FAR2: variants seen among roughly 807,000 people sequenced by gnomAD.
The protein encoded by FAR2 is fatty acyl-CoA reductase 2.
Under a neutral mutation model 56.0 loss-of-function variants are expected in FAR2, and 19 were observed. The observed-to-expected ratio is 0.34, with a 90% CI of 0.24 to 0.50. The LOEUF (loss-of-function observed/expected upper bound fraction) is 0.50. Ranked by LOEUF, FAR2 falls within the 20% of genes least tolerant of loss-of-function variation. The pLI, the probability that FAR2 is intolerant of heterozygous loss-of-function variation, is 0.98. For synonymous variants in FAR2, 219 were observed against 218.8 expected, an observed-to-expected ratio of 1.00 and a Z score of -0.01; for missense variants, 508 against 642.2, an observed-to-expected ratio of 0.79 and a Z score of 2.26.
At chr12:29,185,969 A>C (rs1010074366) in intron 1 of FAR2, among the ~76,000 whole-genome samples, 6 of 152,188 alleles carry the variant, frequency 3.9e-5, no homozygotes, top group Non-Finnish European at 7.3e-5. Flanking sequence ...GCTTAGCATT[A>C]GTCTATATTT....
chr12:29,173,522 C>T (rs1309635109), intron 1 of FAR2, among the ~76,000 whole-genome samples: 1 of 152,120 alleles, frequency 6.6e-6, no homozygotes, highest in African/African-American at 2.4e-5. Context: ...GATCAAGCTG[C>T]AGGATAGTAT....
chr12:29,179,982 C>T (rs1459724298), intron 1 of FAR2, among the ~76,000 whole-genome samples: 9 of 152,200 alleles, frequency 5.9e-5, no homozygotes, highest in Non-Finnish European at 8.8e-5. Flanking sequence ...ATGGATATTA[C>T]AGACTTGGGT....
intron 1 of FAR2, among the ~76,000 whole-genome samples, chr12:29,176,175 T>C (rs1949936625): frequency 6.6e-6 from 1 of 152,222 alleles, no homozygotes; most frequent in Non-Finnish European, 1.5e-5. Flanking sequence ...ATTCCTCATA[T>C]GAAAGTTTTG....
intron 1 of FAR2, among the ~76,000 whole-genome samples, chr12:29,245,856 C>G (rs955458646): frequency 4.6e-5 from 7 of 152,094 alleles, no homozygotes; most frequent in African/African-American, 1.7e-4. Flanking sequence ...CTTGCTTTCC[C>G]AACATCACTA....
At chr12:29,323,826 A>C (rs1485423578) in intron 10 of FAR2, among the ~76,000 whole-genome samples, 1 of 152,224 alleles carries the variant, frequency 6.6e-6, no homozygotes, top group Non-Finnish European at 1.5e-5. Context: ...CGGAAACGCT[A>C]AAAATCAGAG....
intron 1 of FAR2, among the ~76,000 whole-genome samples, chr12:29,174,395 G>A (rs1949916080): frequency 7.3e-6 from 1 of 136,738 alleles, no homozygotes; most frequent in Admixed American, 7.4e-5. Context: ...AACTGGAAAA[G>A]CACCAGAGAC....
chr12:29,161,657 T>C (rs1264514054), intron 1 of FAR2, among the ~76,000 whole-genome samples: 1 of 152,242 alleles, frequency 6.6e-6, no homozygotes, highest in East Asian at 1.9e-4. Context: ...TGGGGTATAC[T>C]TAGGTGTGAA....
At chr12:29,226,055 C>T (rs111901152) in intron 1 of FAR2, among the ~76,000 whole-genome samples, 5 of 152,298 alleles carry the variant, frequency 3.3e-5, no homozygotes, top group African/African-American at 7.2e-5. Flanking sequence ...GCTCTCTGCC[C>T]TGAGCATTTT....
intron 2 of FAR2, among the ~76,000 whole-genome samples, chr12:29,288,695 T>C (rs1190065544): frequency 6.6e-6 from 1 of 152,160 alleles, no homozygotes; most frequent in African/African-American, 2.4e-5. Flanking sequence ...TATAGAGGAC[T>C]CAGGAAACAC....
chr12:29,224,041 C>G (rs1211978305), intron 1 of FAR2: 1 of 152,156 alleles, frequency 6.6e-6, no homozygotes, highest in Non-Finnish European at 1.5e-5. Flanking sequence ...ATCAGCAGAA[C>G]TCATTTATCC....
At chr12:29,215,804 AATGGAATGAAT>A (rs1200071027) in intron 1 of FAR2, among the ~76,000 whole-genome samples, 1 of 152,078 alleles carries the variant, frequency 6.6e-6, no homozygotes, top group Non-Finnish European at 1.5e-5. Flanking sequence ...ATAGTCATTA[AATGGAATGAAT>A]ATGTGATATG....
intron 1 of FAR2, among the ~76,000 whole-genome samples, chr12:29,257,282 T>C (rs892145715): frequency 6.6e-6 from 1 of 152,114 alleles, no homozygotes; most frequent in African/African-American, 2.4e-5. Flanking sequence ...TGGTGGGGCC[T>C]TGGAGAACCT....
At chr12:29,259,325 A>G (rs944395711) in intron 1 of FAR2, among the ~76,000 whole-genome samples, 3 of 152,188 alleles carry the variant, frequency 2.0e-5, no homozygotes, top group Non-Finnish European at 4.4e-5. Context: ...ACAACAGAGA[A>G]TGATCTGGCC....
intron 4 of FAR2, among the ~76,000 whole-genome samples, chr12:29,304,866 A>G (rs919846547): frequency 2.0e-5 from 3 of 152,198 alleles, no homozygotes; most frequent in African/African-American, 2.4e-5. Context: ...CATTTAGATT[A>G]ATTTCAGACA....
chr12:29,160,398 T>C (rs1411561656), intron 1 of FAR2, among the ~76,000 whole-genome samples: 3 of 152,358 alleles, frequency 2.0e-5, no homozygotes, highest in East Asian at 3.9e-4. Flanking sequence ...GAGATGCTAA[T>C]TGAGGTAGAC....
chr12:29,295,382 AT>A (rs1029769459), intron 3 of FAR2, among the ~76,000 whole-genome samples: 32 of 152,078 alleles, frequency 2.1e-4, no homozygotes, highest in Admixed American at 1.6e-3. Context: ...CCACACTTCC[AT>A]TTTTATAGAA....
chr12:29,287,353 T>A (rs1591930610), intron 2 of FAR2, among the ~76,000 whole-genome samples: 1 of 152,368 alleles, frequency 6.6e-6, no homozygotes, highest in Non-Finnish European at 1.5e-5. Flanking sequence ...TTACATCTTA[T>A]GAGAGTTACT....
chr12:29,312,996 C>G (rs764627444), intron 8 of FAR2, among the ~76,000 whole-genome samples: 3 of 152,150 alleles, frequency 2.0e-5, no homozygotes, highest in Non-Finnish European at 4.4e-5. Flanking sequence ...TTGGCTGATA[C>G]AACATTGTTT....
intron 1 of FAR2, among the ~76,000 whole-genome samples, chr12:29,229,670 T>C (rs1947824440): frequency 6.6e-6 from 1 of 152,206 alleles, no homozygotes; most frequent in Non-Finnish European, 1.5e-5. Flanking sequence ...AGCAGATAGA[T>C]GAATTAAAAC....
Sources: allele counts gnomAD v4.1 joint callset (sites outside exome capture counted in the v4.1 genomes callset), GRCh38; gene constraint gnomAD v4.1.1; transcripts MANE v1.5; gene names NCBI Gene and HGNC (gene_info 2026-07-23, HGNC 2026-07-21).